Variants in PDZK1 observed in about 807,000 individuals in gnomAD.
PDZK1 encodes PDZ domain containing 1.
Under a neutral mutation model 38.1 loss-of-function variants are expected in PDZK1, and 23 were observed. The ratio of observed to expected loss-of-function variants is 0.60; its 90% CI spans 0.43 to 0.85. The LOEUF is 0.85. PDZK1 is among the 40% of genes least tolerant of loss of function. The pLI is 0.00. For synonymous variants in PDZK1, 98 were observed against 186.2 expected, an observed-to-expected ratio of 0.53 and a Z score of 3.86; for missense variants, 297 against 504.3, an observed-to-expected ratio of 0.59 and a Z score of 3.94.
intron 1 of PDZK1, among the ~76,000 whole-genome samples, chr1:145,695,076 C>T (rs1571630866): frequency 1.3e-5 from 2 of 151,664 alleles, no homozygotes; most frequent in Non-Finnish European, 2.9e-5. Context: ...AGAAGAAGGA[C>T]GAGACCATTT....
chr1:145,705,621 G>T (rs2101944839), intron 1 of PDZK1, among the ~76,000 whole-genome samples: 1 of 152,290 alleles, frequency 6.6e-6, no homozygotes, highest in South Asian at 2.1e-4. Flanking sequence ...GCAAACAGAG[G>T]CTCAATGAGA....
At chr1:145,693,486 G>A (rs1253059650) in intron 1 of PDZK1, among the ~76,000 whole-genome samples, 12 of 151,908 alleles carry the variant, frequency 7.9e-5, no homozygotes, top group African/African-American at 2.2e-4. Context: ...ATCACCCTAG[G>A]TGCCGGGCGC....
intron 6 of PDZK1, among the ~76,000 whole-genome samples, chr1:145,675,517 CT>C (rs1281341008): frequency 4.2e-5 from 6 of 141,824 alleles, no homozygotes; most frequent in African/African-American, 1.6e-4. Context: ...ACAGAACCTC[CT>C]AGTTACCCAG....
At chr1:145,676,724 CAAAA>C (rs1288329286) in intron 6 of PDZK1, among the ~76,000 whole-genome samples, 2 of 79,116 alleles carry the variant, frequency 2.5e-5, no homozygotes, top group Admixed American at 1.4e-4. Flanking sequence ...GACAACGTCT[CAAAA>C]AAAAAAAAAA....
rs587687210 is a variant in PDZK1, at chr1:145,673,125, A to C, written c.1216-105T>G. 76 of 937,760 alleles carry C rather than the reference A, an allele frequency of 8.1e-5. No individual in the cohort carries two copies. In the East Asian group the frequency reaches 1.6e-3, roughly 20 times the overall value. 58.1% of individuals were successfully genotyped at this position (937,760 alleles called of 1,614,324 possible). A position where few individuals can be genotyped will look rare whatever the true frequency, so the allele number is the denominator to read the frequency against. On this transcript the variant is annotated intron_variant, in intron 7 of 8. Coordinates refer to ENST00000417171, the MANE Select transcript of PDZK1 (RefSeq NM_001201325.2). ...GGAGCTCAAGAATTTATTTTTAATC[A>C]TGTTATTATTTCTCCTTGAGGTATA...
At position 145,672,762 on chromosome 1, in the gene PDZK1, A is replaced by C. The variant is rs782581082; in HGVS notation, c.1474T>G (p.Ser492Ala). 1.9e-6 allele frequency: 3 copies of C among 1,611,716 alleles called. No homozygotes were observed. In the African/African-American group the frequency reaches 4.0e-5, roughly 22 times the overall value. The change falls in exon 8 of 9, where the codon TCA becomes GCA. Residue 492 changes from serine to alanine, a missense_variant. Around this residue, in one of 5 missense-constraint regions of PDZK1, gnomAD observed 54 missense variants for 72.1 expected, o/e 0.75. Coordinates refer to ENST00000417171, the MANE Select transcript of PDZK1 (RefSeq NM_001201325.2). ...PDSKEGIVVESNHDSHMAKER... is the reference protein window; with the variant it reads ...PDSKEGIVVEANHDSHMAKER... ...TTTGCCATGTGCGAGTCATGGTTTG[A>C]CTCCACCACTATTCCTTCTTTAGAA...
At position 145,688,011 on chromosome 1, in the gene PDZK1, G is replaced by A. The variant is rs891757792; in HGVS notation, c.11C>T (p.Thr4Ile). The A allele has an allele frequency of 4.3e-6, 7 of 1,612,600 alleles. No homozygotes were observed. Among genetic ancestry groups the A allele is most frequent in the Non-Finnish European group, 5.9e-6 (7 of 1,179,382 alleles). MTS[T>I]FNPRECKLSK... ...CAGTTTACATTCTCGGGGGTTGAAG[G>A]TGGAGGTCATTTCTGTGATGAAAAA... is the stretch of plus-strand genomic sequence containing the variant. Residue 4 changes from threonine (T) to isoleucine (I), a missense_variant, in exon 2 of 9, where the codon ACC (threonine) becomes ATC (isoleucine). Transcript: ENST00000417171.
rs58919508 is a variant in PDZK1, at chr1:145,696,385, A to G, written c.-2-8362T>C. 3.4e-3 allele frequency among the ~76,000 whole-genome samples: 525 copies of G among 152,288 alleles called. 3 individuals are homozygous for G. The highest frequency in any genetic ancestry group is 0.012 in the African/African-American group (497 of 41,550). The stretch of plus-strand genomic sequence containing the variant: ...GACTGATTTTTGCCCCCAACTTCCA[A>G]TTCATACATTGAAGCCCTAATCCCC... On this transcript the variant is annotated intron_variant, in intron 1 of 8. Coordinates refer to ENST00000417171, the MANE Select transcript of PDZK1 (RefSeq NM_001201325.2).
At chr1:145,704,099 G>A (rs1656121149) in intron 1 of PDZK1, among the ~76,000 whole-genome samples, 1 of 122,380 alleles carries the variant, frequency 8.2e-6, no homozygotes, top group Admixed American at 8.5e-5. Flanking sequence ...AAAGTGCTGG[G>A]ATTACAGGCG....
chr1:145,685,928 G>A (rs879955428), intron 3 of PDZK1, among the ~76,000 whole-genome samples: 2 of 152,270 alleles, frequency 1.3e-5, no homozygotes, highest in Admixed American at 6.5e-5. Context: ...GCAGCTGAGG[G>A]TACTATCAAA....
At chr1:145,687,446 A>G (rs1399487376) in intron 2 of PDZK1, among the ~76,000 whole-genome samples, 1 of 148,728 alleles carries the variant, frequency 6.7e-6, no homozygotes, top group Non-Finnish European at 1.5e-5. Flanking sequence ...AATGGCATGA[A>G]CCCGGGAGGT....
intron 1 of PDZK1, among the ~76,000 whole-genome samples, chr1:145,692,758 G>A (rs1435664592): frequency 1.3e-5 from 2 of 151,756 alleles, no homozygotes; most frequent in African/African-American, 2.4e-5. Context: ...TTCTGGACTG[G>A]GCGCAGTGGC....
At position 145,671,141 on chromosome 1, in the gene PDZK1, C is replaced by T. The variant is rs1652982618; in HGVS notation, c.*295G>A. ...TCAAGGAACCTGTAGAAGTAAGAGA[C>T]ATCATCATACAGAGAAATGTAGTTA... On this transcript the variant is annotated 3_prime_UTR_variant, in exon 9 of 9. Transcript: ENST00000417171. 1.6e-6 allele frequency: 1 copy of T among 633,682 alleles called. No individual in the cohort carries two copies. Among genetic ancestry groups the T allele is most frequent in the Non-Finnish European group, 2.3e-6 (1 of 432,372 alleles). The allele number at this position is 633,682 out of a possible 1,614,324, so 39.3% of individuals were successfully genotyped here.
chr1:145,702,531 C>T (rs1051457542), intron 1 of PDZK1, among the ~76,000 whole-genome samples: 13 of 151,968 alleles, frequency 8.6e-5, no homozygotes, highest in African/African-American at 2.4e-4. Context: ...AGTCTTGCCT[C>T]GAGACAAACT....
Position 145,673,737 on chromosome 1 carries a change from A to G in PDZK1, c.1135T>C (p.Cys379Arg), listed in dbSNP as rs140376164. 2.5e-4 allele frequency: 396 copies of G among 1,611,716 alleles called. No individual in the cohort carries two copies. The African/African-American group carries it at 4.8e-3, about 19-fold the overall frequency. Residue 379 changes from cysteine to arginine, a missense_variant, in exon 7 of 9, where the codon TGC becomes CGC. Physicochemically the swap from Cys to Arg is radical, Grantham distance 180 (BLOSUM62 -3). This residue lies in a region of PDZK1 where 49 missense variants were observed against 135.6 expected (regional missense o/e 0.36). Transcript: ENST00000417171. ...TEEVDHKPKL[C>R]RLAKGENGYG... ...CCATTTTCACCTTTAGCCAGCCTGC[A>G]GAGTTTAGGCTTATGATCTACTTCC... is the stretch of plus-strand genomic sequence containing the variant.
At chr1:145,691,413 A>T (rs1254170044) in intron 1 of PDZK1, among the ~76,000 whole-genome samples, 1 of 152,148 alleles carries the variant, frequency 6.6e-6, no homozygotes, top group Non-Finnish European at 1.5e-5. Flanking sequence ...TTGCTCCATG[A>T]CAAGGATGCC....
intron 1 of PDZK1, among the ~76,000 whole-genome samples, chr1:145,693,506 C>T (rs782350709): frequency 2.6e-5 from 4 of 151,848 alleles, no homozygotes; most frequent in Admixed American, 2.0e-4. Context: ...CGGTGGCTCA[C>T]GCCTGTAATC....
chr1:145,693,771 CA>C (rs35999622), intron 1 of PDZK1, among the ~76,000 whole-genome samples: 21,257 of 139,368 alleles, frequency 0.15, 1,884 homozygotes, highest in Middle Eastern at 0.23. Context: ...GAGACTCCAC[CA>C]AAAAAAAAAA....
intron 6 of PDZK1, among the ~76,000 whole-genome samples, chr1:145,674,523 T>C (rs1571572930): frequency 6.6e-6 from 1 of 152,204 alleles, no homozygotes; most frequent in African/African-American, 2.4e-5. Flanking sequence ...GTCTGTCTGC[T>C]AGAGCTGGGA....
Sources: gnomAD v4.1 joint callset for allele counts (sites outside exome capture counted in the v4.1 genomes callset) on GRCh38, gnomAD v4.1.1 for gene constraint, gnomAD v4.1.1 regional missense constraint, MANE v1.5 for transcripts, NCBI Gene and HGNC (gene_info 2026-07-23, HGNC 2026-07-21) for gene names.